Variants in BZW1 observed in about 807,000 individuals in gnomAD.
BZW1 encodes basic leucine zipper and W2 domains 1.
BZW1 carries 3 observed loss-of-function variants against 54.1 expected under a neutral mutation model. That is an observed-to-expected ratio of 0.06 (90% CI 0.03 to 0.14). The LOEUF (loss-of-function observed/expected upper bound fraction) is 0.14, where lower values mean the gene tolerates loss of function less well. BZW1 is among the 10% of genes least tolerant of loss of function. The pLI is 1.00. For missense variants in BZW1, 206 were observed against 491.7 expected (o/e 0.42, Z 5.50); for synonymous variants, 152 against 162.7 (o/e 0.93, Z 0.50).
At chr2:200,813,958 G>T (rs774449804) in intron 2 of BZW1, among the ~76,000 whole-genome samples, 27 of 152,102 alleles carry the variant, frequency 1.8e-4, no homozygotes, top group Non-Finnish European at 3.2e-4. Flanking sequence ...GTCAGCTACT[G>T]GTTATAAGTT....
chr2:200,820,378 G>C (rs1332721387), intron 10 of BZW1, among the ~76,000 whole-genome samples: 1 of 152,104 alleles, frequency 6.6e-6, no homozygotes, highest in Non-Finnish European at 1.5e-5. Flanking sequence ...CTCTTAACCA[G>C]GTATACATTC....
At chr2:200,812,971 A>G in intron 1 of BZW1, 1 of 685,532 alleles carries the variant, frequency 1.5e-6, no homozygotes, top group East Asian at 2.9e-5. Flanking sequence ...ATGTCGCTTA[A>G]AAGTAGTTCA....
rs1559309073 is a variant in BZW1, at chr2:200,813,200, T to G, written c.-10-8T>G. 1.9e-6 allele frequency: 3 copies of G among 1,611,120 alleles called. No homozygotes were observed. The highest frequency in any genetic ancestry group is 2.5e-6 in the Non-Finnish European group (3 of 1,178,098). ...ACTGATATTAAGGCTTTATTTCTCCTTTCCTAGGGTGTCTTTTATGAATAA... is the reference window on the plus strand; with the variant it reads ...ACTGATATTAAGGCTTTATTTCTCCGTTCCTAGGGTGTCTTTTATGAATAA... On this transcript the variant is annotated splice_polypyrimidine_tract_variant and splice_region_variant and intron_variant, in intron 1 of 11. Transcript: ENST00000409600.
At chr2:200,812,505 A>G in intron 1 of BZW1, 3 of 1,379,390 alleles carry the variant, frequency 2.2e-6, no homozygotes, top group South Asian at 1.7e-5. Context: ...TCAGTGGAGA[A>G]AGAGCCGCGG....
In BZW1 at chr2:200,813,416, C is replaced by G. The variant is rs1300195873; in HGVS notation, c.64+135C>G. 6.8e-6 allele frequency: 5 copies of G among 739,430 alleles called. No homozygotes were observed. In the East Asian group the frequency reaches 8.2e-5, roughly 12 times the overall value. 45.8% of individuals were successfully genotyped at this position (739,430 alleles called of 1,614,324 possible). ...GAAAGAAACTTGAATTTCTCGTTGA[C>G]TGCCATTTCACATACACCTTTAATA... On this transcript the variant is annotated intron_variant, in intron 2 of 11. Coordinates refer to ENST00000409600, the MANE Select transcript of BZW1 (RefSeq NM_001207067.2).
At position 200,824,838 on chromosome 2, in the gene BZW1, ATTT is replaced by A. The variant is rs1345077100; in HGVS notation, c.*2665_*2667del. 10 of 151,450 alleles carry A rather than the reference ATTT, an allele frequency of 6.6e-5. No individual in the cohort carries two copies. The highest frequency in any genetic ancestry group is 2.4e-4 in the African/African-American group (10 of 41,236). 9.4% of individuals were successfully genotyped at this position (151,450 alleles called of 1,614,324 possible). On this transcript the variant is annotated 3_prime_UTR_variant, in exon 12 of 12. Coordinates refer to ENST00000409600, the MANE Select transcript of BZW1 (RefSeq NM_001207067.2). ...AGGCGCCCGCCACCATGCCCGACTA[ATTT>A]TTTTGTATTTTTAGTAGAGACGAGG...
At chr2:200,814,842 T>G (rs1433764342) in intron 2 of BZW1, among the ~76,000 whole-genome samples, 2 of 152,184 alleles carry the variant, frequency 1.3e-5, no homozygotes, top group East Asian at 3.8e-4. Context: ...CCTCACAAGG[T>G]TGTTAACAGG....
At chr2:200,812,115 T>G in intron 1 of BZW1, 125 bp downstream of exon 1, 1 of 801,126 alleles carries the variant, frequency 1.2e-6, no homozygotes, top group Non-Finnish European at 1.7e-6. Context: ...GGTCGCCTCT[T>G]GAGGCCGGGC....
chr2:200,813,247 G>T lies in BZW1; in HGVS notation c.30G>T (p.Thr10=). 1.9e-6 allele frequency: 3 copies of T among 1,613,582 alleles called. No homozygotes were observed. Among genetic ancestry groups the T allele is most frequent in the Non-Finnish European group, 1.7e-6 (2 of 1,179,800 alleles). ...ATAATCAAAAGCAGCAAAAGCCAACGCTATCAGGCCAGCGTTTTAAAACTA... is the reference window on the plus strand; with the variant it reads ...ATAATCAAAAGCAGCAAAAGCCAACTCTATCAGGCCAGCGTTTTAAAACTA... MNNQKQQKP[T]LSGQRFKTRK... is the part of the protein sequence containing the mutation. Residue 10 remains threonine, a synonymous_variant, in exon 2 of 12, where the codon ACG becomes ACT. Coordinates refer to ENST00000409600, the MANE Select transcript of BZW1 (RefSeq NM_001207067.2).
chr2:200,820,267 T>G, intron 10 of BZW1, 147 bp downstream of exon 10: 1 of 635,082 alleles, frequency 1.6e-6, no homozygotes, highest in South Asian at 2.4e-5. Context: ...TTGGGTGCTT[T>G]TTAGTGCACT....
In BZW1 at chr2:200,818,968, T is replaced by C. The variant is rs560255601; in HGVS notation, c.966+67T>C. The C allele has an allele frequency of 1.3e-5, 19 of 1,483,240 alleles. No homozygotes were observed. The African/African-American group carries it at 1.7e-4, about 14-fold the overall frequency. 91.9% of individuals were successfully genotyped at this position (1,483,240 alleles called of 1,614,324 possible). A position where few individuals can be genotyped will look rare whatever the true frequency, so the allele number is the denominator to read the frequency against. On this transcript the variant is annotated intron_variant, in intron 9 of 11. Transcript: ENST00000409600. ...CACGTGGTGATAAGTGAACTGTGAC[T>C]ATATTTTTCTAAGAGGATTTATCAC...
intron 10 of BZW1, 150 bp from the exon 11 acceptor site, chr2:200,821,033 C>T (rs1302904106): frequency 1.6e-5 from 15 of 920,880 alleles, no homozygotes; most frequent in Middle Eastern, 7.2e-4. Flanking sequence ...AGTTGGTATG[C>T]GCACATGTAT....
intron 4 of BZW1, 131 bp downstream of exon 4, chr2:200,815,892 C>A: frequency 2.3e-6 from 2 of 871,802 alleles, no homozygotes; most frequent in Non-Finnish European, 3.4e-6. Flanking sequence ...GGATACTGTT[C>A]TTGGTGCAAC....
intron 5 of BZW1, 44 bp downstream of exon 5, chr2:200,816,434 TAGAA>T (rs1452610545): frequency 3.7e-6 from 5 of 1,352,794 alleles, no homozygotes; most frequent in South Asian, 2.8e-5. Flanking sequence ...AAAATAGGGT[TAGAA>T]AGAGGAATGT....
chr2:200,815,522 GTGTC>G lies in BZW1; in HGVS notation c.241+9_241+12del, dbSNP rs759896597. ...TGGTGGCTGGTGGAATGCTGGGTAA[GTGTC>G]TGTGGTTTGTGGGCTTAATAATTTA... On this transcript the variant is annotated splice_donor_region_variant and intron_variant, in intron 3 of 11. Transcript: ENST00000409600. The G allele has an allele frequency of 2.5e-6, 4 of 1,613,716 alleles. No individual in the cohort carries two copies. The highest frequency in any genetic ancestry group is 2.2e-5 in the South Asian group (2 of 91,054).
chr2:200,817,878 C>T, intron 6 of BZW1, 96 bp from the exon 7 acceptor site: 1 of 821,544 alleles, frequency 1.2e-6, no homozygotes, highest in Non-Finnish European at 1.9e-6. Context: ...AGTCAGTAAT[C>T]CCATGTGATT....
At chr2:200,818,939 C>G in intron 9 of BZW1, 38 bp downstream of exon 9, 1 of 1,516,660 alleles carries the variant, frequency 6.6e-7, no homozygotes, top group African/African-American at 1.4e-5. Context: ...AACTATTCTG[C>G]TTTCACGTGG....
At chr2:200,813,172 G>A in intron 1 of BZW1, 36 bp from the exon 2 acceptor site, 1 of 1,543,972 alleles carries the variant, frequency 6.5e-7, no homozygotes, top group South Asian at 1.1e-5. Context: ...TTAGTATTAT[G>A]GCACTGATAT....
chr2:200,820,305 A>T (rs895167155), intron 10 of BZW1, 185 bp downstream of exon 10: 3 of 458,892 alleles, frequency 6.5e-6, no homozygotes, highest in African/African-American at 4.0e-5. Context: ...TCTAAACCCT[A>T]TTCACAAGTT....
Sources: allele counts gnomAD v4.1 joint callset (sites outside exome capture counted in the v4.1 genomes callset), GRCh38; gene constraint gnomAD v4.1.1; transcripts MANE v1.5; gene names NCBI Gene and HGNC (gene_info 2026-07-23, HGNC 2026-07-21).